Variants in SLC39A9 observed in about 807,000 individuals in gnomAD.
SLC39A9 encodes the protein zinc transporter ZIP9.
In SLC39A9, 14 loss-of-function variants were observed where a neutral mutation model predicts 28.4. The ratio of observed to expected loss-of-function variants is 0.49; its 90% CI spans 0.33 to 0.77. SLC39A9 has a LOEUF of 0.77. SLC39A9 is among the 30% of genes least tolerant of loss of function. The probability of loss-of-function intolerance (pLI) is 0.02; values close to 1 mark genes in which losing one functional copy is unlikely to be tolerated. For missense variants in SLC39A9, 283 were observed against 381.1 expected (o/e 0.74, Z 2.14); for synonymous variants, 119 against 149.6 (o/e 0.80, Z 1.49).
chr14:69,441,771 G>T, intron 2 of SLC39A9: 1 of 1,077,976 alleles, frequency 9.3e-7, no homozygotes, highest in East Asian at 6.7e-5. Flanking sequence ...AATATTTGGG[G>T]ATGGTGTCCC....
intron 1 of SLC39A9, among the ~76,000 whole-genome samples, chr14:69,422,618 T>C (rs1441833044): frequency 6.6e-6 from 1 of 152,170 alleles, no homozygotes; most frequent in African/African-American, 2.4e-5. Context: ...GGAATCTTGC[T>C]CTGTCACCCA....
In SLC39A9 at chr14:69,460,501, A is replaced by G; in HGVS notation, c.*1908A>G. The G allele has an allele frequency of 2.0e-6, 2 of 985,472 alleles. No homozygotes were observed. Among genetic ancestry groups the G allele is most frequent in the Non-Finnish European group, 2.4e-6 (2 of 829,936 alleles). 61.0% of individuals were successfully genotyped at this position (985,472 alleles called of 1,614,324 possible). On this transcript the variant is annotated 3_prime_UTR_variant, in exon 7 of 7. Coordinates refer to ENST00000336643, the MANE Select transcript of SLC39A9 (RefSeq NM_018375.5). ...GTCCTTCAAAACTATATGGTTGCCT[A>G]GATTCTCTCTGGAAACTGACTTTGT...
chr14:69,399,561 G>A (rs1882503363), intron 1 of SLC39A9, 96 bp downstream of exon 1: 2 of 876,474 alleles, frequency 2.3e-6, no homozygotes, highest in Admixed American at 4.8e-5. Flanking sequence ...AAATCTCAAA[G>A]CTGAAGGTCT....
chr14:69,403,888 A>T (rs1036384617), intron 1 of SLC39A9, among the ~76,000 whole-genome samples: 3 of 151,992 alleles, frequency 2.0e-5, no homozygotes, highest in African/African-American at 7.3e-5. Context: ...TACTGAAAAT[A>T]CAAAATTATT....
intron 2 of SLC39A9, among the ~76,000 whole-genome samples, chr14:69,427,732 G>A (rs1884273129): frequency 6.6e-6 from 1 of 152,190 alleles, no homozygotes; most frequent in South Asian, 2.1e-4. Context: ...GTCAGTATAT[G>A]AAGGGAAAAT....
chr14:69,421,277 G>T (rs1883875978), intron 1 of SLC39A9, among the ~76,000 whole-genome samples: 1 of 152,202 alleles, frequency 6.6e-6, no homozygotes, highest in South Asian at 2.1e-4. Context: ...GTCTGTTGGA[G>T]TTTGCTGGAG....
At chr14:69,452,581 C>T (rs769852022) in intron 3 of SLC39A9, among the ~76,000 whole-genome samples, 8 of 152,260 alleles carry the variant, frequency 5.3e-5, no homozygotes, top group Non-Finnish European at 1.2e-4. Flanking sequence ...CCACCTGCCT[C>T]GGCCTCCCAA....
chr14:69,433,572 C>G (rs1328795885), intron 2 of SLC39A9, among the ~76,000 whole-genome samples: 2 of 152,060 alleles, frequency 1.3e-5, no homozygotes, highest in African/African-American at 4.8e-5. Flanking sequence ...CTGGCATTTT[C>G]TATGATGGAA....
intron 5 of SLC39A9, 43 bp downstream of exon 5, chr14:69,454,940 A>C (rs1249981058): frequency 6.9e-7 from 1 of 1,459,620 alleles, no homozygotes; most frequent in Non-Finnish European, 9.5e-7. Context: ...GAGTGTATTC[A>C]TAATTAAAAT....
chr14:69,401,488 A>G (rs543662227), intron 1 of SLC39A9, among the ~76,000 whole-genome samples: 25 of 152,316 alleles, frequency 1.6e-4, no homozygotes, highest in African/African-American at 6.0e-4. Flanking sequence ...ATGAATAATC[A>G]TAATTAATTC....
At chr14:69,420,493 G>A (rs1258889796) in intron 1 of SLC39A9, among the ~76,000 whole-genome samples, 5 of 152,032 alleles carry the variant, frequency 3.3e-5, no homozygotes, top group Non-Finnish European at 7.4e-5. Context: ...TGCTCTTCTC[G>A]AGGAGTATCT....
At chr14:69,447,547 A>G (rs1190978282) in intron 3 of SLC39A9, among the ~76,000 whole-genome samples, 1 of 152,132 alleles carries the variant, frequency 6.6e-6, no homozygotes, top group Non-Finnish European at 1.5e-5. Context: ...TCTGTATATG[A>G]ACTGCCTCGG....
chr14:69,452,503 A>T (rs1423640786), intron 3 of SLC39A9, among the ~76,000 whole-genome samples: 19 of 151,610 alleles, frequency 1.3e-4, no homozygotes, highest in African/African-American at 4.6e-4. Context: ...TAATTTTTAT[A>T]TTTTTTAGTA....
intron 1 of SLC39A9, among the ~76,000 whole-genome samples, chr14:69,400,593 G>A (rs114190437): frequency 6.6e-6 from 1 of 152,282 alleles, no homozygotes; most frequent in African/African-American, 2.4e-5. Context: ...TTCAAAGGAG[G>A]CCTGAAGTAG....
chr14:69,451,584 A>G (rs1885613563), intron 3 of SLC39A9, among the ~76,000 whole-genome samples: 1 of 152,242 alleles, frequency 6.6e-6, no homozygotes, highest in South Asian at 2.1e-4. Context: ...ATCTGGGGAT[A>G]GAAAACATTC....
Position 69,442,161 on chromosome 14 carries a change from G to A in SLC39A9, c.298G>A (p.Asp100Asn), listed in dbSNP as rs1442460624. 1.9e-6 allele frequency: 3 copies of A among 1,614,158 alleles called. No homozygotes were observed. Among genetic ancestry groups the A allele is most frequent in the Non-Finnish European group, 2.5e-6 (3 of 1,180,036 alleles). Residue 100 changes from aspartate to asparagine, a missense_variant, in exon 3 of 7, where the codon GAC becomes AAC. By Grantham distance (23) the Asp-to-Asn change is conservative. Coordinates refer to ENST00000336643, the MANE Select transcript of SLC39A9 (RefSeq NM_018375.5). ...TGTCCATGAACATGAGCACAGCCAC[G>A]ACCACACACAGCTGCATGCCTATAT... Reference protein sequence around the residue: ...SVVHEHEHSHDHTQLHAYIGV... With the variant: ...SVVHEHEHSHNHTQLHAYIGV...
In SLC39A9 at chr14:69,458,385, A is replaced by G; in HGVS notation, c.716A>G (p.Glu239Gly). Residue 239 changes from glutamate to glycine, a missense_variant, in exon 7 of 7, where the codon GAG becomes GGG. By Grantham distance (98) the Glu-to-Gly change is moderately conservative (BLOSUM62 -2). Transcript: ENST00000336643. ...LSKSSKEALS[E>G]VNATGVAMLF... ...CAGAGCAGTAAAGAAGCCCTTTCAG[A>G]GGTGAACGCCACGGGAGTGGCCATG... 1 of 1,614,224 alleles carries G rather than the reference A, an allele frequency of 6.2e-7. No homozygotes were observed. The highest frequency in any genetic ancestry group is 8.5e-7 in the Non-Finnish European group (1 of 1,180,046).
intron 2 of SLC39A9, among the ~76,000 whole-genome samples, chr14:69,437,309 C>T (rs1884815112): frequency 6.6e-6 from 1 of 152,190 alleles, no homozygotes; most frequent in Non-Finnish European, 1.5e-5. Context: ...AAAGGGGAGA[C>T]TTTCCTGTAC....
chr14:69,412,017 G>A (rs1028961100), intron 1 of SLC39A9, among the ~76,000 whole-genome samples: 3 of 151,702 alleles, frequency 2.0e-5, no homozygotes, highest in Non-Finnish European at 4.4e-5. Flanking sequence ...TCTTGACCTC[G>A]TGATCCGCCT....
Sources: allele counts gnomAD v4.1 joint callset (sites outside exome capture counted in the v4.1 genomes callset), GRCh38; gene constraint gnomAD v4.1.1; transcripts MANE v1.5; gene names NCBI Gene and HGNC (gene_info 2026-07-23, HGNC 2026-07-21).